Variants in ZNF596 observed in about 807,000 individuals in gnomAD.
ZNF596 encodes zinc finger protein 596.
ZNF596 carries 45 observed loss-of-function variants against 48.3 expected under a neutral mutation model. The observed-to-expected ratio is 0.93, with a 90% confidence interval of 0.73 to 1.19. The LOEUF (loss-of-function observed/expected upper bound fraction) is 1.19, where lower values mean the gene tolerates loss of function less well. ZNF596 is among the 50% of genes most tolerant of loss of function. The pLI is 0.00. For synonymous variants in ZNF596, 270 were observed against 202.0 expected, an observed-to-expected ratio of 1.34 and a Z score of -2.85; for missense variants, 848 against 599.7, an observed-to-expected ratio of 1.41 and a Z score of -4.32.
At position 243,681 on chromosome 8, in the gene ZNF596, G is replaced by T. The variant is rs375270984; in HGVS notation, c.140-41G>T. 12 of 1,597,856 alleles carry T rather than the reference G, an allele frequency of 7.5e-6. No individual in the cohort carries two copies. In the African/African-American group the frequency reaches 1.6e-4, roughly 21 times the overall value. Reference sequence around the variant, plus strand: ...ATCTGATAACCTTGTACATTTGTCAGCACAGAACTCAAAATCCATGTATCT... The same window carrying T: ...ATCTGATAACCTTGTACATTTGTCATCACAGAACTCAAAATCCATGTATCT... On this transcript the variant is annotated intron_variant, in intron 3 of 5. Coordinates refer to ENST00000398612, the MANE Select transcript of ZNF596 (RefSeq NM_001042416.3).
chr8:238,749 G>C (rs1796725604), intron 1 of ZNF596, among the ~76,000 whole-genome samples: 1 of 151,780 alleles, frequency 6.6e-6, no homozygotes, highest in South Asian at 2.1e-4. Context: ...GGAGGTTGCA[G>C]TGAGCTGGTA....
intron 1 of ZNF596, among the ~76,000 whole-genome samples, chr8:240,104 A>G (rs953443042): frequency 3.3e-5 from 5 of 152,300 alleles, no homozygotes; most frequent in East Asian, 1.9e-4. Flanking sequence ...CAAACTATCT[A>G]TTTCTTACAA....
At chr8:243,638 C>A in intron 3 of ZNF596, 84 bp from the exon 4 acceptor site, 1 of 1,369,922 alleles carries the variant, frequency 7.3e-7, no homozygotes, top group South Asian at 1.2e-5. Context: ...ACTTATCCTT[C>A]CCAGTAGGCT....
Position 246,802 on chromosome 8 carries a change from CATT to C in ZNF596, c.*443_*445del, listed in dbSNP as rs1267122656. The stretch of plus-strand genomic sequence containing the variant: ...CAATTTTGGTGTGTGCAAGAAAATT[CATT>C]ATAAGGTAACTGATAAAAACAGGAA... On this transcript the variant is annotated 3_prime_UTR_variant, in exon 6 of 6. Transcript: ENST00000398612. The C allele has an allele frequency of 6.4e-6, 1 of 155,780 alleles. No individual in the cohort carries two copies. Among genetic ancestry groups the C allele is most frequent in the Non-Finnish European group, 1.4e-5 (1 of 70,642 alleles). The allele number at this position is 155,780 out of a possible 1,614,324, so 9.6% of individuals were successfully genotyped here. A position where few individuals can be genotyped will look rare whatever the true frequency, so the allele number is the denominator to read the frequency against.
chr8:243,420 A>G (rs1262612159), intron 3 of ZNF596: 1 of 313,016 alleles, frequency 3.2e-6, no homozygotes. Context: ...TAGTTTTTTA[A>G]TATAATGTCA....
rs759624995 is a variant in ZNF596, at chr8:246,072, C to G, written c.1225C>G (p.His409Asp). The part of the protein sequence containing the change: ...AFTESSDLRR[H>D]ERTHTGEKPY... Reference sequence around the variant, plus strand: ...CACTGAATCTTCTGACCTCAGACGACATGAGAGAACTCACACTGGAGAAAA... The same window carrying G: ...CACTGAATCTTCTGACCTCAGACGAGATGAGAGAACTCACACTGGAGAAAA... Residue 409 changes from histidine to aspartate, a missense_variant, in exon 6 of 6, where the codon CAT becomes GAT. Coordinates refer to ENST00000398612, the MANE Select transcript of ZNF596 (RefSeq NM_001042416.3). The G allele has an allele frequency of 1.2e-6, 2 of 1,614,004 alleles. No homozygotes were observed. The highest frequency in any genetic ancestry group is 1.7e-5 in the Admixed American group (1 of 60,030).
In ZNF596 at chr8:246,193, G is replaced by A; in HGVS notation, c.1346G>A (p.Cys449Tyr). 2 of 1,614,140 alleles carry A rather than the reference G, an allele frequency of 1.2e-6. No homozygotes were observed. The highest frequency in any genetic ancestry group is 8.5e-7 in the Non-Finnish European group (1 of 1,180,024). Residue 449 changes from cysteine to tyrosine, a missense_variant, in exon 6 of 6, where the codon TGC becomes TAC. Transcript: ENST00000398612. ...CACACTGGAGAGAAACCATATGAAT[G>A]CAATATATGTGGTAAAGCCTTCAAT... ...RTHTGEKPYE[C>Y]NICGKAFNRS...
intron 1 of ZNF596, among the ~76,000 whole-genome samples, chr8:235,970 A>G (rs548375897): frequency 7.9e-4 from 120 of 152,234 alleles, no homozygotes; most frequent in African/African-American, 2.8e-3. Flanking sequence ...CTTTTAGACT[A>G]ATTCTCATTT....
rs544635874 is a variant in ZNF596, at chr8:246,435, C to T, written c.*73C>T. Reference sequence around the variant, plus strand: ...ACTACAGGAATATTATGTCTGTAATCAGTGTGGAAAAGCCTTTATTTATAT... The same window carrying T: ...ACTACAGGAATATTATGTCTGTAATTAGTGTGGAAAAGCCTTTATTTATAT... On this transcript the variant is annotated 3_prime_UTR_variant, in exon 6 of 6. Coordinates refer to ENST00000398612, the MANE Select transcript of ZNF596 (RefSeq NM_001042416.3). 268 of 1,494,216 alleles carry T rather than the reference C, an allele frequency of 1.8e-4. No homozygotes were observed. In the African/African-American group the frequency reaches 3.3e-3, roughly 19 times the overall value. The allele number at this position is 1,494,216 out of a possible 1,614,324, so 92.6% of individuals were successfully genotyped here. A position where few individuals can be genotyped will look rare whatever the true frequency, so the allele number is the denominator to read the frequency against.
At chr8:242,843 G>T (rs754346238) in intron 2 of ZNF596, 44 bp from the exon 3 acceptor site, 2 of 1,422,398 alleles carry the variant, frequency 1.4e-6, no homozygotes, top group Non-Finnish European at 1.9e-6. Context: ...CTGAACATTG[G>T]CAGAGATAGC....
At chr8:243,160 C>T (rs1311330349) in intron 3 of ZNF596, 147 bp downstream of exon 3, 9 of 605,304 alleles carry the variant, frequency 1.5e-5, no homozygotes, top group Non-Finnish European at 2.0e-5. Flanking sequence ...TCATAACTCT[C>T]ACAATTACCT....
chr8:234,543 AAG>A (rs1796548246), intron 1 of ZNF596: 1 of 152,232 alleles, frequency 6.6e-6, no homozygotes, highest in Non-Finnish European at 1.5e-5. Context: ...TTCCCTAAGA[AAG>A]AAGCTCAGAG....
At chr8:237,754 T>G (rs947815061) in intron 1 of ZNF596, 15 of 152,224 alleles carry the variant, frequency 9.9e-5, no homozygotes, top group Admixed American at 9.8e-4. Context: ...TTATTGAATA[T>G]CATATTTGGT....
chr8:246,538 G>C lies in ZNF596; in HGVS notation c.*176G>C. On this transcript the variant is annotated 3_prime_UTR_variant, in exon 6 of 6. Transcript: ENST00000398612. ...TTTAATGTTTATGGCACAAACTTCA[G>C]ACTCTAGGCTGACCATATACAACGT... is the stretch of plus-strand genomic sequence containing the variant. 1 of 731,330 alleles carries C rather than the reference G, an allele frequency of 1.4e-6. No homozygotes were observed. The highest frequency in any genetic ancestry group is 2.1e-6 in the Non-Finnish European group (1 of 475,130). 45.3% of individuals were successfully genotyped at this position (731,330 alleles called of 1,614,324 possible).
intron 2 of ZNF596, among the ~76,000 whole-genome samples, 156 bp from the exon 3 acceptor site, chr8:242,731 G>C (rs2117099960): frequency 6.6e-6 from 1 of 152,296 alleles, no homozygotes; most frequent in East Asian, 1.9e-4. Flanking sequence ...CAGATTCCCA[G>C]TTCAGATTTA....
At chr8:238,366 C>T (rs943993176) in intron 1 of ZNF596, among the ~76,000 whole-genome samples, 3 of 151,980 alleles carry the variant, frequency 2.0e-5, no homozygotes, top group Non-Finnish European at 4.4e-5. Context: ...TATCAGAGCA[C>T]AGCTCTAAGG....
rs1797086510 is a variant in ZNF596, at chr8:246,300, A to C, written c.1453A>C (p.Ser485Arg). The change falls in exon 6 of 6, where the codon AGT (serine) becomes CGT (arginine). Residue 485 changes from serine to arginine, a missense_variant. Ser to Arg is a moderately radical substitution (Grantham distance 110, BLOSUM62 -1). Transcript: ENST00000398612. ...YVCPLCGKAF[S>R]KFFNLRQHER... ...ATGTCCTCTATGTGGGAAAGCCTTT[A>C]GTAAATTTTTTAACCTTAGACAACA... The C allele has an allele frequency of 1.9e-6, 3 of 1,606,452 alleles. No individual in the cohort carries two copies. The highest frequency in any genetic ancestry group is 2.5e-6 in the Non-Finnish European group (3 of 1,177,976).
chr8:238,628 C>CATA (rs1325603338), intron 1 of ZNF596, among the ~76,000 whole-genome samples: 9 of 39,860 alleles, frequency 2.3e-4, no homozygotes, highest in African/African-American at 5.4e-4. Context: ...TGGTGAAATA[C>CATA]AAAAAAAAAA....
rs765541303 is a variant in ZNF596 at position 246,073 on chromosome 8, A to G, written c.1226A>G (p.His409Arg). 1.9e-6 allele frequency: 3 copies of G among 1,614,028 alleles called. No individual in the cohort carries two copies. The highest frequency in any genetic ancestry group is 4.5e-5 in the East Asian group (2 of 44,870). The change falls in exon 6 of 6, where the codon CAT becomes CGT. Residue 409 changes from histidine to arginine, a missense_variant. Transcript: ENST00000398612. ...AFTESSDLRR[H>R]ERTHTGEKPY... is the part of the protein sequence containing the mutation. ...ACTGAATCTTCTGACCTCAGACGAC[A>G]TGAGAGAACTCACACTGGAGAAAAA...
Sources: allele counts gnomAD v4.1 joint callset (sites outside exome capture counted in the v4.1 genomes callset), GRCh38; gene constraint gnomAD v4.1.1; transcripts MANE v1.5; gene names NCBI Gene and HGNC (gene_info 2026-07-23, HGNC 2026-07-21).